Variants in ARHGAP20 observed in about 807,000 individuals in gnomAD.
ARHGAP20 encodes rho GTPase-activating protein 20.
ARHGAP20 carries 34 observed loss-of-function variants against 73.7 expected under a neutral mutation model. The ratio of observed to expected loss-of-function variants is 0.46; its 90% CI spans 0.35 to 0.61. ARHGAP20 has a LOEUF of 0.61. ARHGAP20 is among the 20% of genes least tolerant of loss of function. ARHGAP20 has a pLI of 0.00. For synonymous variants in ARHGAP20, 523 were observed against 518.2 expected, an observed-to-expected ratio of 1.01 and a Z score of -0.13; for missense variants, 1,314 against 1,420.9, an observed-to-expected ratio of 0.92 and a Z score of 1.21.
At position 110,648,210 on chromosome 11, in the gene ARHGAP20, AAT is replaced by A. The variant is rs1242747967; in HGVS notation, c.189-17420_189-17419del. Among the ~76,000 whole-genome samples the A allele has an allele frequency of 2.0e-3, 229 of 113,286 alleles. 1 individual carries two copies. Among genetic ancestry groups the A allele is most frequent in the Middle Eastern group, 8.5e-3 (2 of 236 alleles). The allele number at this position is 113,286 out of a possible 152,430, so 74.3% of individuals were successfully genotyped here. On this transcript the variant is annotated intron_variant, in intron 2 of 14. Transcript: ENST00000683387. ...ATATGTAAATATATATATATATGTAAATATATATATGTATATATATATATATG... is the reference window on the plus strand; with the variant it reads ...ATATGTAAATATATATATATATGTAAATATATATGTATATATATATATATG...
In ARHGAP20 at chr11:110,692,340, T is replaced by C. The variant is rs898016447; in HGVS notation, c.106-1711A>G. Reference sequence around the variant, plus strand: ...CAGTTTGTTCATATCCATCAAGCTATGTTCCAGATTTTTTGCAGGGTTCTG... The same window carrying C: ...CAGTTTGTTCATATCCATCAAGCTACGTTCCAGATTTTTTGCAGGGTTCTG... On this transcript the variant is annotated intron_variant, in intron 1 of 14. Transcript: ENST00000683387. 5.9e-5 allele frequency among the ~76,000 whole-genome samples: 9 copies of C among 152,170 alleles called. No homozygotes were observed. In the East Asian group the frequency reaches 1.5e-3, roughly 26 times the overall value.
chr11:110,628,889 G>T (rs1591327649), intron 3 of ARHGAP20, among the ~76,000 whole-genome samples: 1 of 152,052 alleles, frequency 6.6e-6, no homozygotes, highest in South Asian at 2.1e-4. Context: ...TAGTGGAAAA[G>T]AAACTGTCTT....
chr11:110,676,427 CCTT>C (rs1218344481), intron 2 of ARHGAP20, among the ~76,000 whole-genome samples: 2 of 152,122 alleles, frequency 1.3e-5, no homozygotes, highest in East Asian at 3.8e-4. Context: ...GCAAACATGT[CCTT>C]CTTTACATGG....
intron 9 of ARHGAP20, among the ~76,000 whole-genome samples, chr11:110,597,400 T>C (rs907581030): frequency 2.0e-5 from 3 of 152,020 alleles, no homozygotes; most frequent in African/African-American, 7.2e-5. Flanking sequence ...TTAATATATA[T>C]GTGAATATGT....
At chr11:110,692,014 G>A (rs1950252152) in intron 1 of ARHGAP20, among the ~76,000 whole-genome samples, 1 of 152,094 alleles carries the variant, frequency 6.6e-6, no homozygotes, top group South Asian at 2.1e-4. Flanking sequence ...TCCTTCTAGA[G>A]AAACAGCCCG....
intron 2 of ARHGAP20, among the ~76,000 whole-genome samples, chr11:110,681,541 T>G (rs1049698192): frequency 6.6e-6 from 1 of 152,194 alleles, no homozygotes; most frequent in East Asian, 1.9e-4. Flanking sequence ...AAGATTTTAC[T>G]ACAATCCTCA....
At chr11:110,711,239 G>A (rs1018583261) in intron 1 of ARHGAP20, among the ~76,000 whole-genome samples, 11 of 152,104 alleles carry the variant, frequency 7.2e-5, no homozygotes, top group Non-Finnish European at 1.2e-4. Flanking sequence ...GGAATGGAAC[G>A]CTACAAGTTG....
Position 110,603,620 on chromosome 11 carries a change from C to T in ARHGAP20, c.964+2941G>A, listed in dbSNP as rs184349508. ...AGTTCGAGTAGTGTTTTACCAACCT[C>T]GATGCAAGAGCAAAGGCGATTTCCA... On this transcript the variant is annotated intron_variant, in intron 9 of 14. Transcript: ENST00000683387. Among the ~76,000 whole-genome samples the T allele has an allele frequency of 1.2e-3, 177 of 152,252 alleles. 1 individual carries two copies. The highest frequency in any genetic ancestry group is 2.0e-3 in the Non-Finnish European group (136 of 67,996).
intron 2 of ARHGAP20, among the ~76,000 whole-genome samples, chr11:110,639,202 T>G (rs1280241260): frequency 6.6e-6 from 1 of 151,358 alleles, no homozygotes; most frequent in Non-Finnish European, 1.5e-5. Context: ...CTAGTAGAGG[T>G]TGGAAACCGC....
At chr11:110,710,739 G>C (rs998991685) in intron 1 of ARHGAP20, among the ~76,000 whole-genome samples, 1 of 152,128 alleles carries the variant, frequency 6.6e-6, no homozygotes, top group Non-Finnish European at 1.5e-5. Flanking sequence ...TCCGTGACAC[G>C]GTCAAGGTCC....
intron 1 of ARHGAP20, among the ~76,000 whole-genome samples, chr11:110,692,587 C>T (rs1950264454): frequency 6.6e-6 from 1 of 152,078 alleles, no homozygotes; most frequent in African/African-American, 2.4e-5. Flanking sequence ...AGATTCTAAA[C>T]TAGATCTTCA....
At chr11:110,689,104 T>C (rs1354156268) in intron 2 of ARHGAP20, among the ~76,000 whole-genome samples, 2 of 150,810 alleles carry the variant, frequency 1.3e-5, no homozygotes, top group East Asian at 3.9e-4. Context: ...GTTCACGCCA[T>C]TCTCCTGCCT....
intron 12 of ARHGAP20, among the ~76,000 whole-genome samples, chr11:110,584,872 AATAT>A (rs1320652894): frequency 6.6e-6 from 1 of 150,952 alleles, no homozygotes; most frequent in East Asian, 1.9e-4. Context: ...TATATAAATG[AATAT>A]ATATGTGAAT....
rs1947354274 is a variant in ARHGAP20, at chr11:110,578,818, C to T, written c.*552G>A. Reference sequence around the variant, plus strand: ...GGTTCTTGGAATGATTCTGTAAGGACACGTGATTAGTAAGATCCCACAAAA... The same window carrying T: ...GGTTCTTGGAATGATTCTGTAAGGATACGTGATTAGTAAGATCCCACAAAA... On this transcript the variant is annotated 3_prime_UTR_variant, in exon 15 of 15. Coordinates refer to ENST00000683387, the MANE Select transcript of ARHGAP20 (RefSeq NM_001384657.1). 1.0e-6 allele frequency: 1 copy of T among 985,844 alleles called. No homozygotes were observed. The highest frequency in any genetic ancestry group is 1.2e-6 in the Non-Finnish European group (1 of 830,002). 61.1% of individuals were successfully genotyped at this position (985,844 alleles called of 1,614,324 possible).
chr11:110,635,246 A>C (rs1271378565), intron 2 of ARHGAP20, among the ~76,000 whole-genome samples: 1 of 151,848 alleles, frequency 6.6e-6, no homozygotes, highest in Non-Finnish European at 1.5e-5. Context: ...CATTGTGTGG[A>C]CTCCTGATCA....
At chr11:110,609,504 T>A (rs535625566) in intron 7 of ARHGAP20, among the ~76,000 whole-genome samples, 4 of 152,244 alleles carry the variant, frequency 2.6e-5, no homozygotes, top group Admixed American at 6.5e-5. Flanking sequence ...AGATAAGTAA[T>A]TGGCACAACC....
intron 2 of ARHGAP20, among the ~76,000 whole-genome samples, chr11:110,683,116 A>C (rs905912389): frequency 6.6e-6 from 1 of 152,176 alleles, no homozygotes; most frequent in Non-Finnish European, 1.5e-5. Flanking sequence ...TTGTTACCCA[A>C]AACAAAAGTG....
At chr11:110,585,094 A>AAT (rs758884016) in intron 12 of ARHGAP20, among the ~76,000 whole-genome samples, 22 of 150,074 alleles carry the variant, frequency 1.5e-4, no homozygotes, top group Admixed American at 6.0e-4. Flanking sequence ...AATATATGTG[A>AAT]ATATATGAAT....
chr11:110,707,634 T>A (rs753947622), intron 1 of ARHGAP20, among the ~76,000 whole-genome samples: 1 of 152,080 alleles, frequency 6.6e-6, no homozygotes, highest in Non-Finnish European at 1.5e-5. Flanking sequence ...ATTTACAGCA[T>A]CTACATGCTA....
Sources: allele counts gnomAD v4.1 joint callset (sites outside exome capture counted in the v4.1 genomes callset), GRCh38; gene constraint gnomAD v4.1.1; transcripts MANE v1.5; gene names NCBI Gene and HGNC (gene_info 2026-07-23, HGNC 2026-07-21).